Variants in ABCE1 observed in about 807,000 individuals in gnomAD.
ABCE1 encodes the protein ATP binding cassette subfamily E member 1.
In ABCE1, 22 loss-of-function variants were observed where a neutral mutation model predicts 83.4. The observed-to-expected ratio is 0.26, with a 90% CI of 0.19 to 0.38. ABCE1 has a LOEUF of 0.38. Among genes scored for constraint, ABCE1 ranks in the 10% least tolerant of loss-of-function variants. The probability of loss-of-function intolerance (pLI) is 1.00; values close to 1 mark genes in which losing one functional copy is unlikely to be tolerated. For synonymous variants in ABCE1, 204 were observed against 233.7 expected, an observed-to-expected ratio of 0.87 and a Z score of 1.16; for missense variants, 330 against 721.9, an observed-to-expected ratio of 0.46 and a Z score of 6.22.
chr4:145,112,724 AAAG>A (rs1230886901), intron 9 of ABCE1, among the ~76,000 whole-genome samples: 1 of 152,216 alleles, frequency 6.6e-6, no homozygotes, highest in African/African-American at 2.4e-5. Context: ...GGACAAAAGA[AAAG>A]AAAATTATCA....
chr4:145,109,045 G>T, intron 4 of ABCE1, 87 bp from the exon 5 acceptor site: 1 of 890,280 alleles, frequency 1.1e-6, no homozygotes, highest in South Asian at 1.5e-5. Flanking sequence ...GTGAAGTGCA[G>T]GTGCATTAAA....
intron 17 of ABCE1, among the ~76,000 whole-genome samples, chr4:145,126,610 A>G (rs1421340875): frequency 2.6e-5 from 4 of 152,072 alleles, no homozygotes; most frequent in Non-Finnish European, 5.9e-5. Flanking sequence ...TCTGTTTTTA[A>G]TATCTGCAGT....
In ABCE1 at chr4:145,123,617, A is replaced by T. The variant is rs757956299; in HGVS notation, c.1640+17A>T. 22 of 1,584,908 alleles carry T rather than the reference A, an allele frequency of 1.4e-5. No homozygotes were observed. Among genetic ancestry groups the T allele is most frequent in the Non-Finnish European group, 1.9e-5 (22 of 1,157,136 alleles). ...TGCAAACAGGTAAAATTACTTTTTA[A>T]TATGTTCAAAGTAATTCATTTTAAA... On this transcript the variant is annotated intron_variant, in intron 16 of 17. Transcript: ENST00000296577.
chr4:145,117,374 C>T lies in ABCE1; in HGVS notation c.882C>T (p.Ser294=), dbSNP rs200036682. The change falls in exon 10 of 18, where the codon AGC becomes AGT. Residue 294 remains serine (S), a synonymous_variant. Coordinates refer to ENST00000296577, the MANE Select transcript of ABCE1 (RefSeq NM_002940.3). ...TCTGCTGTTTATATGGTGTACCAAG[C>T]GCCTATGGAGTTGTCACTATGCCTT... ...DFICCLYGVP[S]AYGVVTMPFS... is the part of the protein sequence containing the mutation. 1.9e-5 allele frequency: 31 copies of T among 1,611,082 alleles called. No individual in the cohort carries two copies. The highest frequency in any genetic ancestry group is 1.3e-4 in the East Asian group (6 of 44,736).
chr4:145,123,729 T>TC, intron 16 of ABCE1, 129 bp downstream of exon 16: 2 of 922,594 alleles, frequency 2.2e-6, no homozygotes, highest in Non-Finnish European at 1.6e-6. Context: ...ACTCCTGAGA[T>TC]CATTGGTATT....
intron 13 of ABCE1, chr4:145,121,938 T>C (rs1021741206): frequency 6.6e-6 from 1 of 152,408 alleles, no homozygotes; most frequent in African/African-American, 2.4e-5. Context: ...AAACCTAATG[T>C]ATTTTGTGCT....
intron 7 of ABCE1, 106 bp from the exon 8 acceptor site, chr4:145,110,862 A>C (rs1749451585): frequency 1.4e-6 from 1 of 712,644 alleles, no homozygotes. Context: ...TATTTAAACA[A>C]TTTTCAACTG....
chr4:145,110,976 C>T lies in ABCE1; in HGVS notation c.622C>T (p.His208Tyr), dbSNP rs996798471. The T allele has an allele frequency of 5.0e-6, 8 of 1,607,996 alleles. No homozygotes were observed. The highest frequency in any genetic ancestry group is 5.9e-6 in the Non-Finnish European group (7 of 1,177,752). ...AIVCQQLDLTHLKERNVEDLS... is the reference protein window; with the variant it reads ...AIVCQQLDLTYLKERNVEDLS... ...CTCTATGTTCTTTGTAGATTTAACC[C>T]ACCTAAAAGAACGAAATGTTGAAGA... Residue 208 changes from histidine to tyrosine, a missense_variant, in exon 8 of 18, where the codon CAC (histidine) becomes TAC (tyrosine). By Grantham distance (83) the His-to-Tyr change is moderately conservative. Coordinates refer to ENST00000296577, the MANE Select transcript of ABCE1 (RefSeq NM_002940.3).
intron 15 of ABCE1, 40 bp from the exon 16 acceptor site, chr4:145,123,438 T>G: frequency 6.3e-7 from 1 of 1,590,666 alleles, no homozygotes; most frequent in Non-Finnish European, 8.6e-7. Flanking sequence ...GAATGTTTTA[T>G]GATAGAAAGC....
intron 1 of ABCE1, among the ~76,000 whole-genome samples, chr4:145,103,149 A>G (rs1480912318): frequency 6.6e-6 from 1 of 152,200 alleles, no homozygotes; most frequent in Non-Finnish European, 1.5e-5. Context: ...AGTCTAGGAC[A>G]GCGTCGAGGA....
intron 13 of ABCE1, 23 bp from the exon 14 acceptor site, chr4:145,122,998 A>T (rs1749784894): frequency 1.4e-6 from 2 of 1,453,896 alleles, no homozygotes; most frequent in Non-Finnish European, 1.9e-6. Flanking sequence ...TATCATTTAA[A>T]TACTTTTTTA....
At chr4:145,124,460 T>C (rs1749823444) in intron 16 of ABCE1, among the ~76,000 whole-genome samples, 1 of 152,124 alleles carries the variant, frequency 6.6e-6, no homozygotes, top group Non-Finnish European at 1.5e-5. Flanking sequence ...CACCTTTCTA[T>C]TTACAAAATT....
At chr4:145,108,223 G>A in intron 4 of ABCE1, 111 bp downstream of exon 4, 2 of 892,092 alleles carry the variant, frequency 2.2e-6, no homozygotes, top group Admixed American at 4.3e-5. Flanking sequence ...AGTCACTAAA[G>A]GAAAATACAA....
chr4:145,100,673 T>G (rs948402693), intron 1 of ABCE1, among the ~76,000 whole-genome samples: 2 of 152,248 alleles, frequency 1.3e-5, no homozygotes, highest in Non-Finnish European at 2.9e-5. Context: ...GACCAGTTTT[T>G]AGAGGAATAG....
chr4:145,111,071 T>C lies in ABCE1; in HGVS notation c.710+7T>C. 1 of 1,600,004 alleles carries C rather than the reference T, an allele frequency of 6.2e-7. No individual in the cohort carries two copies. Among genetic ancestry groups the C allele is most frequent in the South Asian group, 1.1e-5 (1 of 88,988 alleles). On this transcript the variant is annotated splice_region_variant and intron_variant, in intron 8 of 17. Transcript: ENST00000296577. The stretch of plus-strand genomic sequence containing the variant: ...GCATACAGAAAGCTGATATGTAGGT[T>C]ACTTTACAATTTTTGTTTATCTTCA...
intron 3 of ABCE1, among the ~76,000 whole-genome samples, chr4:145,106,564 T>C (rs1749310065): frequency 6.6e-6 from 1 of 152,086 alleles, no homozygotes; most frequent in Non-Finnish European, 1.5e-5. Flanking sequence ...ATTATATTAA[T>C]TTAAATTTTA....
chr4:145,110,029 T>A (rs1376536946), intron 5 of ABCE1, 74 bp from the exon 6 acceptor site: 38 of 1,314,028 alleles, frequency 2.9e-5, no homozygotes, highest in Non-Finnish European at 3.4e-5. Flanking sequence ...TATAATCTAT[T>A]TCCTGTAGCA....
In ABCE1 at chr4:145,120,989, T is replaced by C. The variant is rs111562005; in HGVS notation, c.1145-185T>C. On this transcript the variant is annotated intron_variant, in intron 11 of 17. Transcript: ENST00000296577. ...CTAGTCTTTATTCCTCTTAATTACC[T>C]TAGAATGACACTTCAGAGGTGAGCC... The C allele has an allele frequency of 2.5e-3, 1,441 of 584,962 alleles. 23 individuals are homozygous for C. The African/African-American group carries it at 0.025, about 10-fold the overall frequency. The allele number at this position is 584,962 out of a possible 1,614,324, so 36.2% of individuals were successfully genotyped here.
At chr4:145,110,541 C>T (rs1012345482) in intron 7 of ABCE1, 97 bp downstream of exon 7, 1 of 1,143,928 alleles carries the variant, frequency 8.7e-7, no homozygotes, top group East Asian at 2.5e-5. Flanking sequence ...AATGATGCAA[C>T]CTCTGCTTAC....
Sources: allele counts gnomAD v4.1 joint callset (sites outside exome capture counted in the v4.1 genomes callset), GRCh38; gene constraint gnomAD v4.1.1; transcripts MANE v1.5; gene names NCBI Gene and HGNC (gene_info 2026-07-23, HGNC 2026-07-21).